Variants in SPATA6 observed in about 807,000 individuals in gnomAD.
SPATA6 encodes the protein spermatogenesis associated 6.
In SPATA6, 56 loss-of-function variants were observed where a neutral mutation model predicts 65.3. The ratio of observed to expected loss-of-function variants is 0.86; its 90% CI spans 0.69 to 1.07. The LOEUF is 1.07. SPATA6 is among the 50% of genes least tolerant of loss of function. The probability of loss-of-function intolerance (pLI) is 0.00; values close to 1 mark genes in which losing one functional copy is unlikely to be tolerated. For synonymous variants in SPATA6, 199 were observed against 213.2 expected, an observed-to-expected ratio of 0.93 and a Z score of 0.58; for missense variants, 590 against 594.8, an observed-to-expected ratio of 0.99 and a Z score of 0.08.
At chr1:48,337,858 A>T (rs1646102800) in intron 11 of SPATA6, among the ~76,000 whole-genome samples, 1 of 152,038 alleles carries the variant, frequency 6.6e-6, no homozygotes, top group African/African-American at 2.4e-5. Context: ...ACACAATTTC[A>T]TGAACTGGAA....
At chr1:48,268,469 C>T in the SPATA6 span, among the ~76,000 whole-genome samples, 1 of 151,890 alleles carries the variant, frequency 6.6e-6, no homozygotes, top group Non-Finnish European at 1.5e-5. Context: ...GTCACTTCTG[C>T]TGAACTAGAG....
chr1:48,312,827 A>C (rs1467269900), intron 11 of SPATA6, among the ~76,000 whole-genome samples: 2 of 152,196 alleles, frequency 1.3e-5, no homozygotes, highest in African/African-American at 2.4e-5. Context: ...GCTAACTACA[A>C]TAACCAATGC....
At position 48,399,399 on chromosome 1, in the gene SPATA6, G is replaced by A. The variant is rs1428515518; in HGVS notation, c.732C>T (p.Pro244=). The change falls in exon 7 of 13, where the codon CCC becomes CCT. Residue 244 remains proline, a synonymous_variant. Transcript: ENST00000371847. ...RRRLAHLNLG[P]YEFKKETDKP... Reference sequence around the variant, plus strand: ...TATCTGTTTCTTTTTTGAACTCATAGGGTCCCAGATTTAAATGGGCCAGCC... The same window carrying A: ...TATCTGTTTCTTTTTTGAACTCATAAGGTCCCAGATTTAAATGGGCCAGCC... The A allele has an allele frequency of 9.3e-6, 15 of 1,612,856 alleles. No individual in the cohort carries two copies. The highest frequency in any genetic ancestry group is 8.0e-5 in the African/African-American group (6 of 74,812).
chr1:48,368,646 T>C (rs1464865068), intron 9 of SPATA6, among the ~76,000 whole-genome samples: 1 of 152,242 alleles, frequency 6.6e-6, no homozygotes, highest in Non-Finnish European at 1.5e-5. Context: ...TCAGCTCCAT[T>C]AGCTCCTTTA....
rs528933877 is a variant in SPATA6 at position 48,328,849 on chromosome 1, T to C, written c.1195-22971A>G. On this transcript the variant is annotated intron_variant, in intron 11 of 12. Coordinates refer to ENST00000371847, the MANE Select transcript of SPATA6 (RefSeq NM_019073.4). ...TTTCATTATCTCAAGTAGATACATC[T>C]ATTTTACAGATAAAAGAGGGTAAAT... 8.5e-5 allele frequency among the ~76,000 whole-genome samples: 13 copies of C among 152,328 alleles called. No individual in the cohort carries two copies. In the South Asian group the frequency reaches 1.9e-3, roughly 22 times the overall value.
the SPATA6 span, among the ~76,000 whole-genome samples, chr1:48,278,267 G>C: frequency 0.038 from 5,783 of 152,190 alleles, 356 homozygotes; most frequent in African/African-American, 0.13. Context: ...ACTCTAAAAA[G>C]CAGAGCGCCT....
intron 3 of SPATA6, among the ~76,000 whole-genome samples, chr1:48,423,348 C>T (rs1020039376): frequency 2.7e-5 from 4 of 150,902 alleles, no homozygotes; most frequent in East Asian, 4.0e-4. Flanking sequence ...CCCAGCTACT[C>T]GGGAAGCTGA....
At chr1:48,457,249 TG>T (rs1415974117) in intron 1 of SPATA6, among the ~76,000 whole-genome samples, 9 of 151,930 alleles carry the variant, frequency 5.9e-5, no homozygotes, top group African/African-American at 2.2e-4. Context: ...TTGGCCAACA[TG>T]GCGAAACCCC....
chr1:48,466,044 T>C (rs1306840982), intron 1 of SPATA6, among the ~76,000 whole-genome samples: 6 of 152,064 alleles, frequency 3.9e-5, no homozygotes. Context: ...CCCCAACCAC[T>C]GTGACAAACA....
At chr1:48,309,351 T>C (rs895458882) in intron 11 of SPATA6, among the ~76,000 whole-genome samples, 5 of 152,172 alleles carry the variant, frequency 3.3e-5, no homozygotes, top group Non-Finnish European at 5.9e-5. Context: ...AGTCCAATAA[T>C]ATTTTCTTCT....
intron 3 of SPATA6, among the ~76,000 whole-genome samples, chr1:48,434,259 GAAAAAAAA>G (rs530291772): frequency 2.7e-5 from 3 of 109,896 alleles, no homozygotes; most frequent in African/African-American, 3.8e-5. Context: ...AGCAGTGAAA[GAAAAAAAA>G]AAAAAAAAAA....
chr1:48,286,192 TTC>T, the SPATA6 span, among the ~76,000 whole-genome samples: 2 of 151,892 alleles, frequency 1.3e-5, no homozygotes, highest in Non-Finnish European at 1.5e-5. Context: ...GGAATTTTTT[TTC>T]TTTTTCTGTA....
chr1:48,368,104 A>G (rs1237540268), intron 9 of SPATA6, among the ~76,000 whole-genome samples: 1 of 152,112 alleles, frequency 6.6e-6, no homozygotes, highest in Non-Finnish European at 1.5e-5. Flanking sequence ...TCTTTTCTTT[A>G]AGAATGTTGA....
chr1:48,283,003 A>G, the SPATA6 span, among the ~76,000 whole-genome samples: 1 of 152,176 alleles, frequency 6.6e-6, no homozygotes, highest in East Asian at 1.9e-4. Flanking sequence ...CTATGCAGCC[A>G]TAAAAAATGA....
intron 3 of SPATA6, among the ~76,000 whole-genome samples, chr1:48,445,346 T>A (rs75056470): frequency 0.056 from 8,520 of 152,210 alleles, 350 homozygotes; most frequent in African/African-American, 0.1. Context: ...TCCCCTTCCA[T>A]TACAGATCTA....
chr1:48,268,771 T>C, the SPATA6 span, among the ~76,000 whole-genome samples: 7 of 152,214 alleles, frequency 4.6e-5, no homozygotes. Context: ...TAATAGAATG[T>C]TTTTAAAAAC....
At chr1:48,366,301 G>C (rs187348044) in intron 9 of SPATA6, among the ~76,000 whole-genome samples, 3,385 of 152,178 alleles carry the variant, frequency 0.022, 75 homozygotes, top group Non-Finnish European at 0.035. Context: ...GGATGATGCT[G>C]GCCTCATAAA....
intron 3 of SPATA6, among the ~76,000 whole-genome samples, chr1:48,429,273 C>A (rs892098569): frequency 3.9e-5 from 6 of 152,136 alleles, no homozygotes; most frequent in African/African-American, 1.2e-4. Flanking sequence ...GACCAGAATT[C>A]TTCTTCCCTC....
chr1:48,448,956 G>C (rs1424548452), intron 3 of SPATA6, among the ~76,000 whole-genome samples: 2 of 152,018 alleles, frequency 1.3e-5, no homozygotes, highest in Non-Finnish European at 2.9e-5. Context: ...AGAAAATGAT[G>C]ATGATACACA....
Sources: allele counts gnomAD v4.1 joint callset (sites outside exome capture counted in the v4.1 genomes callset), GRCh38; gene constraint gnomAD v4.1.1; transcripts MANE v1.5; gene names NCBI Gene and HGNC (gene_info 2026-07-23, HGNC 2026-07-21).